PI4K2B: variants seen among roughly 807,000 people sequenced by gnomAD.
PI4K2B encodes phosphatidylinositol 4-kinase type 2 beta.
In PI4K2B, 46 loss-of-function variants were observed where a neutral mutation model predicts 56.6. That is an observed-to-expected ratio of 0.81 (90% confidence interval 0.64 to 1.04). The LOEUF is 1.04. Ranked by LOEUF, PI4K2B falls within the 50% of genes least tolerant of loss-of-function variation. The pLI is 0.00. For missense variants in PI4K2B, 556 were observed against 607.7 expected (o/e 0.91, Z 0.89); for synonymous variants, 211 against 223.8 (o/e 0.94, Z 0.51).
At chr4:25,261,342 A>G (rs1288020845) in intron 6 of PI4K2B, among the ~76,000 whole-genome samples, 2 of 152,214 alleles carry the variant, frequency 1.3e-5, no homozygotes, top group Non-Finnish European at 2.9e-5. Flanking sequence ...TTTAACATAT[A>G]TAATAGACTG....
intron 9 of PI4K2B, chr4:25,276,640 C>A: frequency 2.0e-6 from 2 of 983,342 alleles, no homozygotes; most frequent in Non-Finnish European, 2.4e-6. Context: ...TAGTTAAAAC[C>A]AGACTGTTTA....
chr4:25,239,093 A>C (rs1446041320), intron 1 of PI4K2B, among the ~76,000 whole-genome samples: 2 of 152,244 alleles, frequency 1.3e-5, no homozygotes, highest in East Asian at 3.9e-4. Flanking sequence ...CTAGATACAG[A>C]GTGCTGATTG....
intron 1 of PI4K2B, among the ~76,000 whole-genome samples, chr4:25,238,916 A>G (rs1325053948): frequency 1.3e-5 from 2 of 151,698 alleles, no homozygotes; most frequent in South Asian, 2.2e-4. Flanking sequence ...TGATTGGTCC[A>G]TTTTACAGAG....
intron 2 of PI4K2B, among the ~76,000 whole-genome samples, 153 bp downstream of exon 2, chr4:25,252,628 A>T (rs1716106606): frequency 6.6e-6 from 1 of 152,000 alleles, no homozygotes; most frequent in South Asian, 2.1e-4. Context: ...TTGTTTTTTG[A>T]GACGCCCGGG....
intron 4 of PI4K2B, chr4:25,258,648 ACT>A: frequency 1.2e-5 from 2 of 169,066 alleles, no homozygotes; most frequent in Admixed American, 1.3e-4. Context: ...ATAAAATTGC[ACT>A]GTTACTGAAT....
chr4:25,240,706 G>A (rs1348813232), intron 1 of PI4K2B, among the ~76,000 whole-genome samples: 1 of 152,180 alleles, frequency 6.6e-6, no homozygotes, highest in African/African-American at 2.4e-5. Context: ...TAAAGGAATA[G>A]GGTATGCTGT....
intron 1 of PI4K2B, 56 bp downstream of exon 1, chr4:25,234,487 C>T: frequency 8.4e-7 from 1 of 1,187,086 alleles, no homozygotes; most frequent in Non-Finnish European, 1.1e-6. Context: ...GCCCCTGTCG[C>T]CCGGCTCGGT....
rs1716363592 is a variant in PI4K2B at position 25,259,177 on chromosome 4, C to A, written c.897C>A (p.Ile299=). 2 of 1,558,782 alleles carry A rather than the reference C, an allele frequency of 1.3e-6. No homozygotes were observed. The highest frequency in any genetic ancestry group is 1.8e-6 in the Non-Finnish European group (2 of 1,136,138). ...AAAGATTAGTTATTTTGGATTACAT[C>A]ATCAGAAATACAGGTATTGAAGTTC... The part of the protein sequence containing the change: ...QFERLVILDY[I]IRNTDRGNDN... The change falls in exon 5 of 10, where the codon ATC becomes ATA. Residue 299 remains isoleucine (I), a synonymous_variant. Transcript: ENST00000264864.
In PI4K2B at chr4:25,245,820, C is replaced by T. The variant is rs765446995; in HGVS notation, c.269-6501C>T. ...GATAGTCTCACCACTTGGCGATAGG[C>T]GATAGTCCCTTTGTTTAGCAATGGG... is the stretch of plus-strand genomic sequence containing the variant. On this transcript the variant is annotated intron_variant, in intron 1 of 9. Coordinates refer to ENST00000264864, the MANE Select transcript of PI4K2B (RefSeq NM_018323.4). Among the ~76,000 whole-genome samples the T allele has an allele frequency of 5.3e-5, 8 of 152,068 alleles. No individual in the cohort carries two copies. In the East Asian group the frequency reaches 5.8e-4, roughly 11 times the overall value.
intron 6 of PI4K2B, 32 bp downstream of exon 6, chr4:25,260,623 TATATATATATATATATATAC>T (rs749959004): frequency 1.9e-4 from 52 of 267,732 alleles, no homozygotes; most frequent in South Asian, 7.0e-4. Flanking sequence ...TATATATATA[TATATATATATATATATATAC>T]ACACACACAC....
intron 1 of PI4K2B, among the ~76,000 whole-genome samples, chr4:25,243,716 C>T (rs188842073): frequency 3.3e-5 from 5 of 152,272 alleles, no homozygotes; most frequent in East Asian, 3.9e-4. Flanking sequence ...CTCTCGTAGC[C>T]GCTCGAGGAA....
chr4:25,256,092 A>G (rs1426131298), intron 3 of PI4K2B, among the ~76,000 whole-genome samples: 3 of 152,008 alleles, frequency 2.0e-5, no homozygotes, highest in South Asian at 2.1e-4. Flanking sequence ...CAGCTTTTGT[A>G]TTTTTAGTAG....
At chr4:25,239,265 G>A (rs1474978307) in intron 1 of PI4K2B, among the ~76,000 whole-genome samples, 1 of 152,182 alleles carries the variant, frequency 6.6e-6, no homozygotes, top group Non-Finnish European at 1.5e-5. Context: ...TTGGGTGGTC[G>A]ATGGGACGGG....
intron 1 of PI4K2B, among the ~76,000 whole-genome samples, chr4:25,249,458 ATGGGGCGGCTGGCCGGGCG>A (rs1715946556): frequency 6.9e-6 from 1 of 144,774 alleles, no homozygotes; most frequent in Non-Finnish European, 1.5e-5. Context: ...CGCCTCCCGG[ATGGGGCGGCTGGCCGGGCG>A]GGGGCTGCCC....
chr4:25,260,610 TTATATATATATA>T lies in PI4K2B; in HGVS notation c.978+40_978+51del, dbSNP rs533544057. 0.013 allele frequency: 3,970 copies of T among 306,586 alleles called. 52 individuals carry two copies. Among genetic ancestry groups the T allele is most frequent in the African/African-American group, 0.026 (1,031 of 40,262 alleles). The allele number at this position is 306,586 out of a possible 1,614,324, so 19.0% of individuals were successfully genotyped here. A position where few individuals can be genotyped will look rare whatever the true frequency, so the allele number is the denominator to read the frequency against. Reference sequence around the variant, plus strand: ...CCATAAGGTAAGGAAATTTACAATTTTATATATATATATATATATATATATATATATACACAC... The same window carrying T: ...CCATAAGGTAAGGAAATTTACAATTTTATATATATATATATATATACACAC... On this transcript the variant is annotated intron_variant, in intron 6 of 9. Transcript: ENST00000264864.
At chr4:25,273,896 C>T (rs578250589) in intron 9 of PI4K2B, among the ~76,000 whole-genome samples, 1 of 152,290 alleles carries the variant, frequency 6.6e-6, no homozygotes, top group East Asian at 1.9e-4. Context: ...CGTTTTGCCC[C>T]TCTCCCTGGG....
At position 25,234,267 on chromosome 4, in the gene PI4K2B, G is replaced by A; in HGVS notation, c.104G>A (p.Trp35Ter). 7.0e-7 allele frequency: 1 copy of A among 1,425,436 alleles called. No individual in the cohort carries two copies. Among genetic ancestry groups the A allele is most frequent in the Non-Finnish European group, 9.2e-7 (1 of 1,086,208 alleles). The allele number at this position is 1,425,436 out of a possible 1,614,324, so 88.3% of individuals were successfully genotyped here. A position where few individuals can be genotyped will look rare whatever the true frequency, so the allele number is the denominator to read the frequency against. ...EREPLLPRIA[W>*]AHPRRGAPGS... ...GAGCCGCTGCTACCGCGGATCGCCT[G>A]GGCCCACCCGCGGAGAGGCGCCCCA... The change falls in exon 1 of 10, where the codon TGG becomes TAG. Residue 35 changes from tryptophan (W) to a stop codon, truncating the protein, a stop_gained. Transcript: ENST00000264864. LOFTEE classifies it high-confidence loss of function.
intron 1 of PI4K2B, among the ~76,000 whole-genome samples, chr4:25,244,893 C>A (rs1715692535): frequency 6.6e-6 from 1 of 152,156 alleles, no homozygotes; most frequent in Non-Finnish European, 1.5e-5. Context: ...TTCTCAAAAA[C>A]CTGTTAAGAG....
intron 7 of PI4K2B, among the ~76,000 whole-genome samples, chr4:25,268,179 A>G (rs949032258): frequency 6.6e-6 from 1 of 152,340 alleles, no homozygotes; most frequent in African/African-American, 2.4e-5. Flanking sequence ...AGACTGAGGT[A>G]CATTTAGAGC....
Sources: allele counts gnomAD v4.1 joint callset (sites outside exome capture counted in the v4.1 genomes callset), GRCh38; gene constraint gnomAD v4.1.1; transcripts MANE v1.5; gene names NCBI Gene and HGNC (gene_info 2026-07-23, HGNC 2026-07-21).